The following GPHN variants were observed in gnomAD, a reference collection of about 807,000 sequenced individuals.
GPHN encodes the protein gephyrin.
A neutral mutation model predicts 95.5 loss-of-function variants in GPHN; 17 were observed. That is an observed-to-expected ratio of 0.18 (90% CI 0.12 to 0.27). GPHN has a LOEUF of 0.27. Ranked by LOEUF, GPHN falls within the 10% of genes least tolerant of loss-of-function variation. The probability of loss-of-function intolerance (pLI) is 1.00; values close to 1 mark genes in which losing one functional copy is unlikely to be tolerated. For missense variants in GPHN, 660 were observed against 978.1 expected (o/e 0.67, Z 4.34); for synonymous variants, 320 against 322.5 (o/e 0.99, Z 0.08).
At chr14:67,135,909 T>C (rs2080054012) in intron 17 of GPHN, among the ~76,000 whole-genome samples, 1 of 152,224 alleles carries the variant, frequency 6.6e-6, no homozygotes, top group Non-Finnish European at 1.5e-5. Context: ...TCCTTGGAGA[T>C]ATTTCTACCA....
At chr14:67,100,992 G>A (rs1228266896) in intron 13 of GPHN, 81 bp downstream of exon 13, 3 of 833,246 alleles carry the variant, frequency 3.6e-6, no homozygotes, top group South Asian at 1.4e-5. Context: ...TCTCCTATCA[G>A]TTTAGTGGAA....
downstream of GPHN, among the ~76,000 whole-genome samples, chr14:67,184,440 G>C (rs991046077): frequency 3.9e-5 from 6 of 152,096 alleles, no homozygotes; most frequent in African/African-American, 9.7e-5. Flanking sequence ...TGCAGGTGAG[G>C]GGGTAGAGGT....
chr14:67,143,570 T>G (rs919711284), intron 18 of GPHN, 121 bp downstream of exon 18: 1 of 762,196 alleles, frequency 1.3e-6, no homozygotes, highest in Non-Finnish European at 2.4e-6. Flanking sequence ...TGAAAATCCA[T>G]GGGGCTTCAG....
chr14:67,115,950 T>C (rs1363472793), intron 16 of GPHN, among the ~76,000 whole-genome samples: 1 of 152,196 alleles, frequency 6.6e-6, no homozygotes, highest in Non-Finnish European at 1.5e-5. Flanking sequence ...TTATCAACTA[T>C]AGCTAACATG....
intron 1 of GPHN, among the ~76,000 whole-genome samples, chr14:66,581,268 A>G (rs1202064791): frequency 4.6e-5 from 7 of 151,858 alleles, no homozygotes; most frequent in Admixed American, 4.6e-4. Context: ...ATGAAATCAT[A>G]AAATATTATT....
At chr14:67,272,107 C>T in the GPHN span, 3 of 151,608 alleles carry the variant, frequency 2.0e-5, no homozygotes, top group Admixed American at 6.6e-5. Context: ...ACCATAGTAT[C>T]TAGCCAGGGG....
chr14:66,523,553 A>G (rs536572887), intron 1 of GPHN, among the ~76,000 whole-genome samples: 2 of 152,252 alleles, frequency 1.3e-5, no homozygotes, highest in Non-Finnish European at 2.9e-5. Flanking sequence ...TACTCAGAAT[A>G]GTAGGTGGGC....
chr14:67,458,624 G>A, the GPHN span, among the ~76,000 whole-genome samples: 1 of 152,188 alleles, frequency 6.6e-6, no homozygotes, highest in Non-Finnish European at 1.5e-5. Context: ...TTGCTTAAGG[G>A]AAGCTAGGTA....
At chr14:67,405,849 T>A in the GPHN span, among the ~76,000 whole-genome samples, 2 of 152,202 alleles carry the variant, frequency 1.3e-5, no homozygotes, top group Admixed American at 1.3e-4. Flanking sequence ...AGTCAAGCCT[T>A]CAGGTGACTG....
At chr14:67,685,212 G>A in the GPHN span, 8 of 1,607,772 alleles carry the variant, frequency 5.0e-6, no homozygotes, top group Non-Finnish European at 6.8e-6. Flanking sequence ...AGCCTGGTTG[G>A]GGGTGGCATG....
At chr14:67,030,726 C>G (rs887775543) in intron 10 of GPHN, among the ~76,000 whole-genome samples, 2 of 152,116 alleles carry the variant, frequency 1.3e-5, no homozygotes, top group Non-Finnish European at 2.9e-5. Context: ...TAGTGCTTTT[C>G]TGTCTTCTCC....
chr14:67,671,275 T>C, the GPHN span, among the ~76,000 whole-genome samples: 9 of 152,102 alleles, frequency 5.9e-5, no homozygotes, highest in African/African-American at 1.2e-4. Flanking sequence ...CCTGTAATCC[T>C]AGCACTTTGG....
At chr14:67,617,675 C>T in the GPHN span, among the ~76,000 whole-genome samples, 1 of 152,164 alleles carries the variant, frequency 6.6e-6, no homozygotes, top group African/African-American at 2.4e-5. Context: ...AAAGGTCGGT[C>T]TGGTGATCCA....
chr14:67,414,743 G>C, the GPHN span, among the ~76,000 whole-genome samples: 3 of 152,242 alleles, frequency 2.0e-5, no homozygotes, highest in South Asian at 4.1e-4. Context: ...GATACATAGA[G>C]TGGAAAAGGA....
At chr14:67,277,157 A>G in the GPHN span, among the ~76,000 whole-genome samples, 2 of 152,354 alleles carry the variant, frequency 1.3e-5, no homozygotes, top group East Asian at 1.9e-4. Context: ...AATGCCTAAC[A>G]TAACTTAAGA....
rs187954300 is a variant in GPHN at position 66,942,855 on chromosome 14, G to T, written c.828+18563G>T. 1.4e-4 allele frequency among the ~76,000 whole-genome samples: 22 copies of T among 152,270 alleles called. No homozygotes were observed. The East Asian group carries it at 3.9e-3, about 27-fold the overall frequency. On this transcript the variant is annotated intron_variant, in intron 8 of 22. Transcript: ENST00000478722. Reference sequence around the variant, plus strand: ...TGAAACTGAAGTTTGATTTTGGGAAGCCTATTAAATATATTAGAGGTTTAA... The same window carrying T: ...TGAAACTGAAGTTTGATTTTGGGAATCCTATTAAATATATTAGAGGTTTAA...
chr14:66,716,719 G>T (rs1427128944), intron 2 of GPHN, among the ~76,000 whole-genome samples: 1 of 152,138 alleles, frequency 6.6e-6, no homozygotes, highest in African/African-American at 2.4e-5. Flanking sequence ...GCTTGGTAGT[G>T]ACGAATTTTC....
the GPHN span, among the ~76,000 whole-genome samples, chr14:67,546,738 G>A: frequency 4.3e-3 from 649 of 152,260 alleles, 4 homozygotes; most frequent in African/African-American, 0.014. Flanking sequence ...ATGGTGATGC[G>A]TGCCTGTAGT....
At chr14:67,535,370 C>CTTTTTTTTTT in the GPHN span, among the ~76,000 whole-genome samples, 1 of 74,192 alleles carries the variant, frequency 1.3e-5, no homozygotes. Context: ...GTGAGCACAT[C>CTTTTTTTTTT]TTTTTTTTTT....
Sources: gnomAD v4.1 joint callset for allele counts (sites outside exome capture counted in the v4.1 genomes callset) on GRCh38, gnomAD v4.1.1 for gene constraint, MANE v1.5 for transcripts, NCBI Gene and HGNC (gene_info 2026-07-23, HGNC 2026-07-21) for gene names.